The following RAP1GAP2 variants were observed in gnomAD, a reference collection of about 807,000 sequenced individuals.
RAP1GAP2 encodes RAP1 GTPase activating protein 2.
Under a neutral mutation model 95.0 loss-of-function variants are expected in RAP1GAP2, and 27 were observed. The observed-to-expected ratio is 0.28, with a 90% CI of 0.21 to 0.39. The LOEUF (loss-of-function observed/expected upper bound fraction) is 0.39, where lower values mean the gene tolerates loss of function less well. Ranked by LOEUF, RAP1GAP2 falls within the 10% of genes least tolerant of loss-of-function variation. The probability of loss-of-function intolerance (pLI) is 1.00; values close to 1 mark genes in which losing one functional copy is unlikely to be tolerated. For synonymous variants in RAP1GAP2, 373 were observed against 380.9 expected, an observed-to-expected ratio of 0.98 and a Z score of 0.24; for missense variants, 771 against 970.0, an observed-to-expected ratio of 0.79 and a Z score of 2.72.
chr17:2,786,456 A>C (rs1312335030), intron 1 of RAP1GAP2, among the ~76,000 whole-genome samples: 3 of 152,158 alleles, frequency 2.0e-5, no homozygotes, highest in Non-Finnish European at 4.4e-5. Flanking sequence ...TTGCCTGCAG[A>C]GGGCGCAAAC....
chr17:2,768,080 A>C (rs2068311311), intron 1 of RAP1GAP2, among the ~76,000 whole-genome samples: 1 of 152,090 alleles, frequency 6.6e-6, no homozygotes, highest in Non-Finnish European at 1.5e-5. Context: ...TTAGCTCCCT[A>C]CTGAAGGGTG....
intron 4 of RAP1GAP2, 81 bp from the exon 5 acceptor site, chr17:2,962,589 C>T (rs1269846585): frequency 4.9e-5 from 70 of 1,421,766 alleles, no homozygotes; most frequent in Non-Finnish European, 6.4e-5. Flanking sequence ...TACTAACCCC[C>T]TGTAAGGCCA....
chr17:2,969,597 G>A (rs1449901484), intron 8 of RAP1GAP2, among the ~76,000 whole-genome samples: 1 of 142,808 alleles, frequency 7.0e-6, no homozygotes, highest in East Asian at 2.2e-4. Context: ...CAACTCCCAG[G>A]TTCAAGCAAT....
Position 2,904,087 on chromosome 17 carries a change from AGAG to A in RAP1GAP2, c.81-1191_81-1189del, listed in dbSNP as rs2042110582. ...CTCTGCTGCTTCAGAGCGGGGCTGTAGAGGAGGACACACTTGTAAAGTTGGGGG... is the reference window on the plus strand; with the variant it reads ...CTCTGCTGCTTCAGAGCGGGGCTGTAGAGGACACACTTGTAAAGTTGGGGG... On this transcript the variant is annotated intron_variant, in intron 2 of 24. Transcript: ENST00000254695. This position sits in a 1 kb window ranked among gnomAD's most constrained non-coding sequence, Gnocchi z 4.7. Among the ~76,000 whole-genome samples, 1 of 152,156 alleles carries A rather than the reference AGAG, an allele frequency of 6.6e-6. No individual in the cohort carries two copies. The highest frequency in any genetic ancestry group is 1.5e-5 in the Non-Finnish European group (1 of 68,034).
intron 2 of RAP1GAP2, among the ~76,000 whole-genome samples, chr17:2,877,263 G>T (rs549764751): frequency 6.6e-6 from 1 of 152,100 alleles, no homozygotes; most frequent in Non-Finnish European, 1.5e-5. Context: ...ATCCAGAGAC[G>T]GATCATATCT....
Position 3,004,877 on chromosome 17 carries a change from G to A in RAP1GAP2, c.1201-492G>A, listed in dbSNP as rs1436972716. Among the ~76,000 whole-genome samples the A allele has an allele frequency of 6.6e-6, 1 of 152,234 alleles. No individual in the cohort carries two copies. The highest frequency in any genetic ancestry group is 1.5e-5 in the Non-Finnish European group (1 of 68,046). On this transcript the variant is annotated intron_variant, in intron 14 of 24. Coordinates refer to ENST00000254695, the MANE Select transcript of RAP1GAP2 (RefSeq NM_015085.5). The surrounding 1 kb of genome is among the most constrained non-coding windows in gnomAD (Gnocchi z 4.1). ...GATTTATGGCCGAGCTGAGGAGTCA[G>A]GCTTGGGAAGAGAACCCCAGAGACG...
chr17:2,801,022 G>C (rs1391985732), intron 2 of RAP1GAP2, among the ~76,000 whole-genome samples: 2 of 150,648 alleles, frequency 1.3e-5, no homozygotes, highest in Admixed American at 1.3e-4. Flanking sequence ...GCTAATTTTT[G>C]TATTTTTAGT....
In RAP1GAP2 at chr17:2,905,030, C is replaced by T. The variant is rs950003350; in HGVS notation, c.81-254C>T. ...TCTAGTAGCTGGGACTACAGGCGTG[C>T]ACCACCACGCCCAGCTAATTTTTTG... is the stretch of plus-strand genomic sequence containing the variant. On this transcript the variant is annotated intron_variant, in intron 2 of 24. Transcript: ENST00000254695. 5.3e-5 allele frequency among the ~76,000 whole-genome samples: 8 copies of T among 152,236 alleles called. No homozygotes were observed. In the East Asian group the frequency reaches 1.4e-3, roughly 26 times the overall value.
rs2047434669 is a variant in RAP1GAP2, at chr17:3,035,034, C to A, written c.*1673C>A. On this transcript the variant is annotated 3_prime_UTR_variant, in exon 25 of 25. Transcript: ENST00000254695. This position sits in a 1 kb window ranked among gnomAD's most constrained non-coding sequence, Gnocchi z 4.3. Reference sequence around the variant, plus strand: ...AATTCTCCCTATAGCTTTTGCCATTCAAGCAACATTGTGATCTTTCTTCCC... The same window carrying A: ...AATTCTCCCTATAGCTTTTGCCATTAAAGCAACATTGTGATCTTTCTTCCC... 1 of 149,026 alleles carries A rather than the reference C, an allele frequency of 6.7e-6. No individual in the cohort carries two copies. The highest frequency in any genetic ancestry group is 2.1e-4 in the South Asian group (1 of 4,738). 9.2% of individuals were successfully genotyped at this position (149,026 alleles called of 1,614,324 possible).
rs781499639 is a variant in RAP1GAP2 at position 2,797,452 on chromosome 17, G to C, written c.44+881G>C. On this transcript the variant is annotated intron_variant, in intron 1 of 24. Coordinates refer to ENST00000254695, the MANE Select transcript of RAP1GAP2 (RefSeq NM_015085.5). This position sits in a 1 kb window ranked among gnomAD's most constrained non-coding sequence, Gnocchi z 5.6. Reference sequence around the variant, plus strand: ...ATGATCGGTTTCCTTTCAGTGCCTGGGCTGGGGGCGTTGTCAGACTGGGAG... The same window carrying C: ...ATGATCGGTTTCCTTTCAGTGCCTGCGCTGGGGGCGTTGTCAGACTGGGAG... Among the ~76,000 whole-genome samples, 16 of 152,166 alleles carry C rather than the reference G, an allele frequency of 1.1e-4. 1 individual carries two copies. In the Middle Eastern group the frequency reaches 0.014, roughly 129 times the overall value.
At chr17:2,787,708 C>T (rs919543786) in intron 1 of RAP1GAP2, among the ~76,000 whole-genome samples, 9 of 152,130 alleles carry the variant, frequency 5.9e-5, no homozygotes, top group Admixed American at 2.6e-4. Flanking sequence ...GCTGGGAATA[C>T]AGGCGCATGC....
At position 2,870,405 on chromosome 17, in the gene RAP1GAP2, CCG is replaced by C. The variant is rs1381976316; in HGVS notation, c.81-34878_81-34877del. Among the ~76,000 whole-genome samples the C allele has an allele frequency of 3.3e-5, 5 of 152,236 alleles. No individual in the cohort carries two copies. In the East Asian group the frequency reaches 9.7e-4, roughly 29 times the overall value. On this transcript the variant is annotated intron_variant, in intron 2 of 24. Transcript: ENST00000254695. The surrounding 1 kb of genome is among the most constrained non-coding windows in gnomAD (Gnocchi z 4.4). Reference sequence around the variant, plus strand: ...GTGCTGGGATTACAGGCATGAGCCACCGTGCCCTGCCTGACAATCTGGTTTTT... The same window carrying C: ...GTGCTGGGATTACAGGCATGAGCCACTGCCCTGCCTGACAATCTGGTTTTT...
chr17:2,980,242 C>T (rs1047581932), intron 8 of RAP1GAP2, 45 bp from the exon 9 acceptor site: 1 of 1,600,424 alleles, frequency 6.2e-7, no homozygotes, highest in Admixed American at 1.7e-5. Flanking sequence ...CGCGCCCTCA[C>T]TGACTGTTTC....
At chr17:2,843,775 A>G (rs1270230072) in intron 2 of RAP1GAP2, among the ~76,000 whole-genome samples, 1 of 152,106 alleles carries the variant, frequency 6.6e-6, no homozygotes, top group Admixed American at 6.6e-5. Flanking sequence ...GGCCACGTGA[A>G]GGTCACTACT....
chr17:2,911,557 C>T lies in RAP1GAP2; in HGVS notation c.165+6189C>T, dbSNP rs563920438. Among the ~76,000 whole-genome samples the T allele has an allele frequency of 2.6e-4, 39 of 152,122 alleles. 1 individual carries two copies. In the South Asian group the frequency reaches 7.1e-3, roughly 28 times the overall value. On this transcript the variant is annotated intron_variant, in intron 3 of 24. Coordinates refer to ENST00000254695, the MANE Select transcript of RAP1GAP2 (RefSeq NM_015085.5). ...CACATCGAAGCTGCAGTCCTCCACC[C>T]TCAGAGAGCCTGCCGTCTACAGGGG... is the stretch of plus-strand genomic sequence containing the variant.
intron 17 of RAP1GAP2, among the ~76,000 whole-genome samples, chr17:3,015,788 T>C (rs1339842077): frequency 6.6e-6 from 1 of 151,518 alleles, no homozygotes; most frequent in Non-Finnish European, 1.5e-5. Flanking sequence ...CACGCTGTAC[T>C]CCAGCCTGGG....
intron 2 of RAP1GAP2, among the ~76,000 whole-genome samples, chr17:2,820,823 G>C (rs1278841666): frequency 6.7e-6 from 1 of 149,124 alleles, no homozygotes; most frequent in East Asian, 2.0e-4. Flanking sequence ...CCGGGTTCAA[G>C]CAATTCTCCT....
rs775634900 is a variant in RAP1GAP2 at position 3,005,932 on chromosome 17, G to T, written c.1273-23G>T. 2.0e-5 allele frequency: 32 copies of T among 1,604,182 alleles called. No individual in the cohort carries two copies. Among genetic ancestry groups the T allele is most frequent in the Non-Finnish European group, 2.6e-5 (30 of 1,171,136 alleles). The stretch of plus-strand genomic sequence containing the variant: ...GGCAACAGCCGAGAGTGACAGACCT[G>T]AGGTCCGTCTTGTCTCTTCCAGGGC... On this transcript the variant is annotated intron_variant, in intron 15 of 24. Transcript: ENST00000254695. This position sits in a 1 kb window ranked among gnomAD's most constrained non-coding sequence, Gnocchi z 5.2.
chr17:2,953,026 G>A (rs1373468337), intron 3 of RAP1GAP2, among the ~76,000 whole-genome samples: 1 of 151,870 alleles, frequency 6.6e-6, no homozygotes, highest in African/African-American at 2.4e-5. Flanking sequence ...GGCTGGTCTC[G>A]AACTCCTGGG....
Sources: gnomAD v4.1 joint callset for allele counts (sites outside exome capture counted in the v4.1 genomes callset) on GRCh38, gnomAD v4.1.1 for gene constraint, Gnocchi (gnomAD v3.1) non-coding constraint, MANE v1.5 for transcripts, NCBI Gene and HGNC (gene_info 2026-07-23, HGNC 2026-07-21) for gene names.